Variants in ART3 observed in about 807,000 individuals in gnomAD.
ART3 encodes ecto-ADP-ribosyltransferase 3.
In ART3, 49 loss-of-function variants were observed where a neutral mutation model predicts 48.5. The ratio of observed to expected loss-of-function variants is 1.01; its 90% CI spans 0.80 to 1.28. ART3 has a LOEUF of 1.28. Among genes scored for constraint, ART3 ranks in the 50% most tolerant of loss-of-function variants. ART3 has a pLI of 0.00. For synonymous variants in ART3, 145 were observed against 157.2 expected (o/e 0.92, Z 0.58); for missense variants, 438 against 454.3 (o/e 0.96, Z 0.33).
At chr4:76,098,903 A>G in intron 4 of ART3, 52 bp from the exon 5 acceptor site, 1 of 1,447,728 alleles carries the variant, frequency 6.9e-7, no homozygotes, top group South Asian at 1.2e-5. Flanking sequence ...ACTGATCCTG[A>G]CATTCACATC....
chr4:76,025,197 CA>C (rs5859487), intron 1 of ART3, among the ~76,000 whole-genome samples: 92,946 of 151,960 alleles, frequency 0.61, 29,491 homozygotes, highest in East Asian at 0.94. Context: ...GAAATAGTGA[CA>C]ATGGAGGGAT....
At chr4:76,031,906 A>G (rs1016950517) in intron 1 of ART3, among the ~76,000 whole-genome samples, 1 of 152,210 alleles carries the variant, frequency 6.6e-6, no homozygotes, top group African/African-American at 2.4e-5. Flanking sequence ...ATAAATAAAT[A>G]GGACACCTAA....
chr4:76,048,038 G>A (rs911338467), intron 1 of ART3, among the ~76,000 whole-genome samples: 17 of 152,022 alleles, frequency 1.1e-4, no homozygotes, highest in Admixed American at 6.6e-4. Context: ...CTATAGCCCA[G>A]GGGTTTTTAT....
At chr4:76,070,388 G>A (rs1720193102), upstream of ART3, among the ~76,000 whole-genome samples, 1 of 152,122 alleles carries the variant, frequency 6.6e-6, no homozygotes, top group African/African-American at 2.4e-5. Context: ...CATTCTAGTG[G>A]ATGTATAGTG....
intron 6 of ART3, 133 bp from the exon 7 acceptor site, chr4:76,100,662 C>T (rs1578581248): frequency 2.9e-6 from 3 of 1,040,104 alleles, no homozygotes; most frequent in Non-Finnish European, 2.8e-6. Flanking sequence ...TGGGGGCTTG[C>T]ATTTTGCAAG....
intron 1 of ART3, chr4:76,022,752 T>C (rs1219578407): frequency 5.0e-6 from 8 of 1,613,522 alleles, no homozygotes; most frequent in Non-Finnish European, 6.8e-6. Context: ...TCTAAAGACC[T>C]TGGATTAACA....
chr4:76,082,419 T>C lies in ART3; in HGVS notation c.665T>C (p.Ile222Thr). The C allele has an allele frequency of 6.2e-7, 1 of 1,614,016 alleles. No homozygotes were observed. The highest frequency in any genetic ancestry group is 8.5e-7 in the Non-Finnish European group (1 of 1,180,032). ...ENFLDKESER[I>T]TLIPLNEVFQ... The stretch of plus-strand genomic sequence containing the variant: ...TTTCTTGATAAAGAAAGTGAAAGAA[T>C]TACTTTAATACCTCTGAATGAGGTT... Residue 222 changes from isoleucine (I) to threonine (T), a missense_variant, in exon 3 of 12, where the codon ATT (isoleucine) becomes ACT (threonine). Around this residue, in one of 3 missense-constraint regions of ART3, gnomAD observed 227 missense variants for 229.6 expected, o/e 0.99. Coordinates refer to ENST00000355810, the MANE Select transcript of ART3 (RefSeq NM_001130016.3).
intron 3 of ART3, among the ~76,000 whole-genome samples, chr4:76,095,356 A>T (rs1390195693): frequency 6.6e-6 from 1 of 152,034 alleles, no homozygotes; most frequent in Non-Finnish European, 1.5e-5. Context: ...AAAAATACAA[A>T]AATTAGCTGG....
chr4:76,111,791 CCG>C (rs1729538977), intron 11 of ART3: 1 of 152,530 alleles, frequency 6.6e-6, no homozygotes, highest in South Asian at 2.1e-4. Context: ...GTGCCTGCCT[CCG>C]CCTCCCACAG....
chr4:76,015,370 G>A (rs955920863), intron 1 of ART3, among the ~76,000 whole-genome samples: 2 of 152,094 alleles, frequency 1.3e-5, no homozygotes, highest in Admixed American at 6.5e-5. Flanking sequence ...ACAAGTTTAG[G>A]ATGTTAATTA....
In ART3 at chr4:76,047,751, G is replaced by A. The variant is rs192539659; in HGVS notation, c.-9-28130G>A. 6.8e-4 allele frequency among the ~76,000 whole-genome samples: 104 copies of A among 151,908 alleles called. 1 individual carries two copies. Among genetic ancestry groups the A allele is most frequent in the African/African-American group, 2.4e-3 (98 of 41,466 alleles). On this transcript the variant is annotated intron_variant, in intron 1 of 9. Transcript: ENST00000341029. ...CCATCATTTACTTGACTAAGATACCGGGTATCTCCAAACTCTCGGGCTGCA... is the reference window on the plus strand; with the variant it reads ...CCATCATTTACTTGACTAAGATACCAGGTATCTCCAAACTCTCGGGCTGCA...
rs191117913 is a variant in ART3 at position 76,030,257 on chromosome 4, C to T, written c.-10+18937C>T. Among the ~76,000 whole-genome samples the T allele has an allele frequency of 5.8e-3, 886 of 152,284 alleles. 21 individuals carry two copies. The highest frequency in any genetic ancestry group is 0.02 in the African/African-American group (839 of 41,542). On this transcript the variant is annotated intron_variant, in intron 1 of 9. Transcript: ENST00000341029. Reference sequence around the variant, plus strand: ...ATCTTTGGTAGAGACGGGGTTTCACCATGTTGGCCAGGCTGGTCTTGAACT... The same window carrying T: ...ATCTTTGGTAGAGACGGGGTTTCACTATGTTGGCCAGGCTGGTCTTGAACT...
intron 1 of ART3, among the ~76,000 whole-genome samples, chr4:76,019,619 A>G (rs1732598100): frequency 7.2e-6 from 1 of 139,708 alleles, no homozygotes; most frequent in African/African-American, 2.7e-5. Flanking sequence ...ACGCCTGGCT[A>G]ATTTTTTTGT....
intron 1 of ART3, among the ~76,000 whole-genome samples, chr4:76,016,746 G>T (rs1035248909): frequency 6.6e-6 from 1 of 152,110 alleles, no homozygotes; most frequent in Non-Finnish European, 1.5e-5. Context: ...TATCTCCCTG[G>T]TGCTCTATTC....
intron 1 of ART3, among the ~76,000 whole-genome samples, chr4:76,057,798 A>G (rs1458131662): frequency 6.6e-6 from 1 of 152,232 alleles, no homozygotes; most frequent in East Asian, 1.9e-4. Flanking sequence ...TCAATGTGCT[A>G]TATATGCGCA....
In ART3 at chr4:76,082,220, A is replaced by G. The variant is rs370682220; in HGVS notation, c.466A>G (p.Ser156Gly). ...LQLLRKPCEASSKTVVYRTSQ... is the reference protein window; with the variant it reads ...LQLLRKPCEAGSKTVVYRTSQ... ...GTTGCTGAGAAAACCTTGTGAGGCC[A>G]GTTCCAAAACTGTGGTATATAGAAC... Residue 156 changes from serine to glycine, a missense_variant, in exon 3 of 12, where the codon AGT becomes GGT. Ser to Gly is a moderately conservative substitution (Grantham distance 56). Transcript: ENST00000355810. The G allele has an allele frequency of 3.3e-5, 53 of 1,614,078 alleles. No individual in the cohort carries two copies. The highest frequency in any genetic ancestry group is 4.3e-5 in the Non-Finnish European group (51 of 1,180,042).
At chr4:76,079,438 A>G (rs1275512385) in intron 2 of ART3, among the ~76,000 whole-genome samples, 1 of 152,240 alleles carries the variant, frequency 6.6e-6, no homozygotes, top group Non-Finnish European at 1.5e-5. Flanking sequence ...TTCTTTGAAC[A>G]TTCAAGTGGA....
chr4:76,023,478 A>C (rs765381166), intron 1 of ART3: 2 of 1,537,908 alleles, frequency 1.3e-6, no homozygotes, highest in African/African-American at 2.7e-5. Context: ...GAATATGTCT[A>C]AGCAATTGAG....
intron 3 of ART3, among the ~76,000 whole-genome samples, chr4:76,087,308 A>G (rs182814164): frequency 7.2e-4 from 109 of 152,292 alleles, no homozygotes; most frequent in Non-Finnish European, 1.4e-3. Flanking sequence ...TTAGGGAGCT[A>G]TGACAGTCAG....
Sources: gnomAD v4.1 joint callset for allele counts (sites outside exome capture counted in the v4.1 genomes callset) on GRCh38, gnomAD v4.1.1 for gene constraint, gnomAD v4.1.1 regional missense constraint, MANE v1.5 for transcripts, NCBI Gene and HGNC (gene_info 2026-07-23, HGNC 2026-07-21) for gene names.